RGS7: variants seen among roughly 807,000 people sequenced by gnomAD.
RGS7 encodes the protein regulator of G protein signaling 7.
In RGS7, 27 loss-of-function variants were observed where a neutral mutation model predicts 81.1. The observed-to-expected ratio is 0.33, with a 90% CI of 0.25 to 0.46. The LOEUF (loss-of-function observed/expected upper bound fraction) is 0.46, where lower values mean the gene tolerates loss of function less well. Among genes scored for constraint, RGS7 ranks in the 20% least tolerant of loss-of-function variants. The pLI is 1.00. For missense variants in RGS7, 396 were observed against 607.4 expected (o/e 0.65, Z 3.66); for synonymous variants, 208 against 207.7 (o/e 1.00, Z -0.01).
chr1:240,976,510 G>C (rs541882834), intron 4 of RGS7, among the ~76,000 whole-genome samples: 2 of 152,306 alleles, frequency 1.3e-5, no homozygotes, highest in South Asian at 4.1e-4. Context: ...AGTAGACTTT[G>C]AGTAAAGCAG....
At chr1:240,915,954 GA>G (rs1274626833) in intron 6 of RGS7, among the ~76,000 whole-genome samples, 1 of 151,252 alleles carries the variant, frequency 6.6e-6, no homozygotes, top group Non-Finnish European at 1.5e-5. Context: ...AATACAAAGA[GA>G]AAAAAAAGTA....
chr1:240,923,067 C>T (rs2148311424), intron 6 of RGS7, among the ~76,000 whole-genome samples: 1 of 152,096 alleles, frequency 6.6e-6, no homozygotes, highest in South Asian at 2.1e-4. Flanking sequence ...GAAACTATAA[C>T]AAATCTTGTT....
chr1:241,047,637 TCTC>T (rs2061004457), intron 3 of RGS7, among the ~76,000 whole-genome samples: 3 of 152,046 alleles, frequency 2.0e-5, no homozygotes, highest in South Asian at 2.1e-4. Context: ...AAGGAAATGT[TCTC>T]CTATCAGCAA....
chr1:240,784,515 G>A (rs930644994), intron 18 of RGS7, among the ~76,000 whole-genome samples: 1 of 148,472 alleles, frequency 6.7e-6, no homozygotes, highest in Non-Finnish European at 1.5e-5. Flanking sequence ...GCGTGGTGGC[G>A]GGCGCCTGTA....
chr1:240,848,495 A>G (rs764115572), intron 9 of RGS7, among the ~76,000 whole-genome samples: 4 of 152,308 alleles, frequency 2.6e-5, no homozygotes, highest in East Asian at 1.9e-4. Context: ...CCAAAAAATA[A>G]TAAGACCATT....
chr1:241,268,366 G>A (rs2077698980), intron 2 of RGS7, among the ~76,000 whole-genome samples: 1 of 152,184 alleles, frequency 6.6e-6, no homozygotes, highest in Admixed American at 6.5e-5. Context: ...GTGGGAGACT[G>A]TTCGGTGCAT....
chr1:240,872,217 T>C lies in RGS7; in HGVS notation c.386-2098A>G, dbSNP rs370373181. On this transcript the variant is annotated intron_variant, in intron 6 of 18. Coordinates refer to ENST00000440928, the MANE Select transcript of RGS7 (RefSeq NM_001364886.1). ...AATTAACAAATGAATGAATAGGATA[T>C]CTTCAGAAGGAGCTATTTCGAGGTC... 2.6e-5 allele frequency among the ~76,000 whole-genome samples: 4 copies of C among 152,322 alleles called. 1 individual carries two copies. The highest frequency in any genetic ancestry group is 9.6e-5 in the African/African-American group (4 of 41,574).
At chr1:240,800,373 C>A (rs1687830808) in intron 18 of RGS7, among the ~76,000 whole-genome samples, 1 of 152,146 alleles carries the variant, frequency 6.6e-6, no homozygotes, top group Non-Finnish European at 1.5e-5. Context: ...TGTTCAAATT[C>A]TTTCAAATAC....
intron 2 of RGS7, among the ~76,000 whole-genome samples, chr1:241,139,087 A>AT (rs544014709): frequency 8.7e-5 from 13 of 149,782 alleles, no homozygotes; most frequent in East Asian, 2.0e-4. Flanking sequence ...TACTTGGCAG[A>AT]TTTTTTTTTT....
chr1:241,272,756 T>A (rs1573455099), intron 2 of RGS7, among the ~76,000 whole-genome samples: 1 of 152,298 alleles, frequency 6.6e-6, no homozygotes, highest in East Asian at 1.9e-4. Context: ...ACTCTTTTCC[T>A]CTCTATTTTG....
At chr1:240,816,161 TACA>T (rs1467651488) in intron 11 of RGS7, among the ~76,000 whole-genome samples, 153 bp downstream of exon 11, 3 of 152,246 alleles carry the variant, frequency 2.0e-5, no homozygotes, top group African/African-American at 7.2e-5. Flanking sequence ...TACTTAAAAT[TACA>T]ACATTTTATT....
intron 2 of RGS7, among the ~76,000 whole-genome samples, chr1:241,105,268 G>C (rs570263153): frequency 6.6e-6 from 1 of 152,326 alleles, no homozygotes; most frequent in Admixed American, 6.5e-5. Context: ...TGATGAGGCT[G>C]TCTTCTTGCT....
At chr1:241,324,602 C>G (rs997065763) in intron 2 of RGS7, among the ~76,000 whole-genome samples, 3 of 152,148 alleles carry the variant, frequency 2.0e-5, no homozygotes, top group African/African-American at 7.2e-5. Flanking sequence ...TGGAACACAC[C>G]ACTGTCTGCT....
intron 3 of RGS7, among the ~76,000 whole-genome samples, chr1:241,014,015 A>T (rs543832770): frequency 4.1e-4 from 63 of 152,338 alleles, no homozygotes; most frequent in African/African-American, 1.5e-3. Flanking sequence ...CTTTTCAAGT[A>T]ACCTTACTAG....
intron 2 of RGS7, among the ~76,000 whole-genome samples, chr1:241,169,181 A>G (rs980141359): frequency 1.3e-5 from 2 of 148,878 alleles, no homozygotes; most frequent in African/African-American, 5.1e-5. Context: ...CATGTAATAT[A>G]TATGTTATAT....
chr1:241,049,208 T>A (rs1298872004), intron 3 of RGS7, among the ~76,000 whole-genome samples: 1 of 152,200 alleles, frequency 6.6e-6, no homozygotes, highest in Non-Finnish European at 1.5e-5. Flanking sequence ...AACACTAAGA[T>A]TGAAAACCTG....
chr1:241,204,008 T>C (rs1182741360), intron 2 of RGS7, among the ~76,000 whole-genome samples: 1 of 152,180 alleles, frequency 6.6e-6, no homozygotes, highest in African/African-American at 2.4e-5. Flanking sequence ...CCCTTTCAAA[T>C]GGCCAACAAT....
chr1:240,993,496 G>T (rs1406525210), intron 3 of RGS7, among the ~76,000 whole-genome samples: 1 of 151,988 alleles, frequency 6.6e-6, no homozygotes, highest in Non-Finnish European at 1.5e-5. Flanking sequence ...TGCTTTTTTG[G>T]TGTAGGTACA....
intron 2 of RGS7, among the ~76,000 whole-genome samples, chr1:241,332,210 G>A (rs1170773280): frequency 6.6e-6 from 1 of 152,120 alleles, no homozygotes; most frequent in African/African-American, 2.4e-5. Context: ...GTCTAGAGGA[G>A]GCCCACAGGA....
Sources: gnomAD v4.1 joint callset for allele counts (sites outside exome capture counted in the v4.1 genomes callset) on GRCh38, gnomAD v4.1.1 for gene constraint, MANE v1.5 for transcripts, NCBI Gene and HGNC (gene_info 2026-07-23, HGNC 2026-07-21) for gene names.